The following UBE2G1 variants were observed in gnomAD, a reference collection of about 807,000 sequenced individuals.
UBE2G1 encodes the protein ubiquitin-conjugating enzyme E2 G1.
A neutral mutation model predicts 22.7 loss-of-function variants in UBE2G1; 5 were observed. The ratio of observed to expected loss-of-function variants is 0.22; its 90% confidence interval spans 0.12 to 0.46. The LOEUF is 0.46. Ranked by LOEUF, UBE2G1 falls within the 20% of genes least tolerant of loss-of-function variation. UBE2G1 has a pLI of 0.99. For missense variants in UBE2G1, 88 were observed against 203.9 expected, an observed-to-expected ratio of 0.43 and a Z score of 3.46; for synonymous variants, 74 against 67.5, an observed-to-expected ratio of 1.10 and a Z score of -0.47.
intron 1 of UBE2G1, among the ~76,000 whole-genome samples, chr17:4,357,560 T>G (rs759827561): frequency 3.4e-5 from 5 of 148,202 alleles, no homozygotes; most frequent in Non-Finnish European, 7.4e-5. Context: ...CATTTGCAGA[T>G]GTGTGTAATC....
chr17:4,353,417 ACGAAAC>A (rs1330198434), intron 1 of UBE2G1, among the ~76,000 whole-genome samples: 1 of 151,746 alleles, frequency 6.6e-6, no homozygotes, highest in Admixed American at 6.6e-5. Context: ...GTGTCGATCA[ACGAAAC>A]CCCATATATA....
At chr17:4,354,556 A>C (rs1263567463) in intron 1 of UBE2G1, among the ~76,000 whole-genome samples, 1 of 152,224 alleles carries the variant, frequency 6.6e-6, no homozygotes, top group Non-Finnish European at 1.5e-5. Context: ...TGAGAAGGAA[A>C]GGGCTCGAGT....
At chr17:4,316,230 G>A (rs1462452260) in intron 1 of UBE2G1, among the ~76,000 whole-genome samples, 1 of 152,132 alleles carries the variant, frequency 6.6e-6, no homozygotes, top group East Asian at 1.9e-4. Context: ...GGGAATGTGA[G>A]TTCCTGTCAA....
At chr17:4,318,790 C>A (rs908493525) in intron 1 of UBE2G1, among the ~76,000 whole-genome samples, 1 of 152,130 alleles carries the variant, frequency 6.6e-6, no homozygotes, top group Admixed American at 6.5e-5. Flanking sequence ...TGCAGTGAGT[C>A]GTAAGCATGC....
chr17:4,305,634 C>T (rs542470856), intron 2 of UBE2G1, among the ~76,000 whole-genome samples: 91 of 152,248 alleles, frequency 6.0e-4, no homozygotes, highest in Non-Finnish European at 1.0e-3. Flanking sequence ...CTCCACCTCC[C>T]GGATTCAAGC....
intron 1 of UBE2G1, among the ~76,000 whole-genome samples, chr17:4,313,103 C>T (rs539556965): frequency 6.6e-6 from 1 of 152,292 alleles, no homozygotes; most frequent in Admixed American, 6.5e-5. Flanking sequence ...GGATACCTCA[C>T]ACTACATCCA....
chr17:4,345,616 T>C (rs1274532877), intron 1 of UBE2G1: 1 of 152,210 alleles, frequency 6.6e-6, no homozygotes, highest in Non-Finnish European at 1.5e-5. Flanking sequence ...AATAAACAGC[T>C]ACTGAATTTA....
chr17:4,284,838 CTTTTTTTTT>C (rs1176508350), intron 4 of UBE2G1, among the ~76,000 whole-genome samples: 3 of 22,318 alleles, frequency 1.3e-4, no homozygotes, highest in Non-Finnish European at 2.6e-4. Flanking sequence ...TCTTTTCTTT[CTTTTTTTTT>C]TTTTTTTTTT....
At chr17:4,313,860 G>A (rs1331416152) in intron 1 of UBE2G1, among the ~76,000 whole-genome samples, 1 of 152,158 alleles carries the variant, frequency 6.6e-6, no homozygotes, top group Non-Finnish European at 1.5e-5. Flanking sequence ...GTGGGCCAGA[G>A]TGGTCTACAA....
intron 2 of UBE2G1, 88 bp downstream of exon 2, chr17:4,306,933 A>G: frequency 8.3e-7 from 1 of 1,208,520 alleles, no homozygotes; most frequent in South Asian, 1.3e-5. Context: ...TACAGGTGTG[A>G]GCCACCGTGC....
Position 4,365,385 on chromosome 17 carries a change from G to A in UBE2G1, c.46+886C>T, listed in dbSNP as rs927133174. ...CCGCGCACACAGTCCTAGCAGAGTA[G>A]GAGCCAACCCCCTAAAAAGTCAACC... On this transcript the variant is annotated intron_variant, in intron 1 of 5. Coordinates refer to ENST00000396981, the MANE Select transcript of UBE2G1 (RefSeq NM_003342.5). 2.0e-5 allele frequency among the ~76,000 whole-genome samples: 3 copies of A among 152,364 alleles called. No homozygotes were observed. The East Asian group carries it at 5.8e-4, about 29-fold the overall frequency.
At chr17:4,283,938 C>G (rs1968927053) in intron 4 of UBE2G1, among the ~76,000 whole-genome samples, 2 of 151,924 alleles carry the variant, frequency 1.3e-5, no homozygotes, top group South Asian at 2.1e-4. Flanking sequence ...TCAGGATCAC[C>G]TGAGGTCAGG....
At chr17:4,278,536 G>A (rs1387927731) in intron 5 of UBE2G1, among the ~76,000 whole-genome samples, 2 of 152,140 alleles carry the variant, frequency 1.3e-5, no homozygotes, top group African/African-American at 2.4e-5. Flanking sequence ...CCCGCAGGCT[G>A]CAGGCTGGAC....
intron 1 of UBE2G1, chr17:4,345,538 A>G (rs1387792062): frequency 6.6e-6 from 1 of 152,260 alleles, no homozygotes; most frequent in Non-Finnish European, 1.5e-5. Context: ...TCACACATAC[A>G]GTAAATAAAC....
chr17:4,302,565 A>C, intron 2 of UBE2G1: 1 of 381,628 alleles, frequency 2.6e-6, no homozygotes, highest in Admixed American at 2.8e-5. Context: ...TTGTTTTTAG[A>C]AGTTTTCTTC....
At chr17:4,305,047 G>A (rs1969233031) in intron 2 of UBE2G1, among the ~76,000 whole-genome samples, 1 of 151,342 alleles carries the variant, frequency 6.6e-6, no homozygotes, top group African/African-American at 2.4e-5. Context: ...CTGCCTCCTG[G>A]ATTCAAGCGA....
intron 2 of UBE2G1, among the ~76,000 whole-genome samples, chr17:4,305,393 A>G (rs914949851): frequency 6.6e-6 from 1 of 152,184 alleles, no homozygotes; most frequent in African/African-American, 2.4e-5. Context: ...AGCAAAGGCT[A>G]GTGATCTCAG....
In UBE2G1 at chr17:4,270,223, G is replaced by A. The variant is rs760296576; in HGVS notation, c.*2331C>T. ...AAAAATAGTTGTCCCTGAGTTACTA[G>A]GTCATTTGCTGCTTGCTGAAGAGTC... On this transcript the variant is annotated 3_prime_UTR_variant, in exon 6 of 6. Transcript: ENST00000396981. 1 of 152,566 alleles carries A rather than the reference G, an allele frequency of 6.6e-6. No homozygotes were observed. Among genetic ancestry groups the A allele is most frequent in the Non-Finnish European group, 1.5e-5 (1 of 68,030 alleles). The allele number at this position is 152,566 out of a possible 1,614,324, so 9.5% of individuals were successfully genotyped here. A position where few individuals can be genotyped will look rare whatever the true frequency, so the allele number is the denominator to read the frequency against.
At chr17:4,310,535 C>CG (rs1166847780) in intron 1 of UBE2G1, among the ~76,000 whole-genome samples, 4 of 152,028 alleles carry the variant, frequency 2.6e-5, no homozygotes, top group Non-Finnish European at 5.9e-5. Context: ...ACTGGAACGG[C>CG]GGGGGGCAGG....
Sources: gnomAD v4.1 joint callset for allele counts (sites outside exome capture counted in the v4.1 genomes callset) on GRCh38, gnomAD v4.1.1 for gene constraint, MANE v1.5 for transcripts, NCBI Gene and HGNC (gene_info 2026-07-23, HGNC 2026-07-21) for gene names.